The following HSF4 variants were observed in gnomAD, a reference collection of about 807,000 sequenced individuals.
HSF4 encodes the protein heat shock transcription factor 4, also known as heat shock factor protein 4.
Under a neutral mutation model 52.0 loss-of-function variants are expected in HSF4, and 41 were observed. The ratio of observed to expected loss-of-function variants is 0.79; its 90% confidence interval spans 0.61 to 1.02. The LOEUF (loss-of-function observed/expected upper bound fraction) is 1.02. HSF4 is among the 50% of genes least tolerant of loss of function. The pLI is 0.00. For missense variants in HSF4, 610 were observed against 651.1 expected, an observed-to-expected ratio of 0.94 and a Z score of 0.69; for synonymous variants, 285 against 273.0, an observed-to-expected ratio of 1.04 and a Z score of -0.43.
chr16:67,167,221 C>T lies in HSF4; in HGVS notation c.728C>T (p.Ser243Leu), dbSNP rs374407706. 52 of 1,614,004 alleles carry T rather than the reference C, an allele frequency of 3.2e-5. No individual in the cohort carries two copies. The highest frequency in any genetic ancestry group is 4.0e-5 in the African/African-American group (3 of 74,914). Reference protein sequence around the residue: ...ALLQDPYFIQSPLPETNLGLS... With the variant: ...ALLQDPYFIQLPLPETNLGLS... ...CTGCAGGACCCCTACTTCATCCAGT[C>T]GGTAGGTTTGTCTTCTTCCCCCTTC... is the stretch of plus-strand genomic sequence containing the variant. Residue 243 changes from serine to leucine, a missense_variant and splice_region_variant, in exon 7 of 13, where the codon TCG becomes TTG. Transcript: ENST00000521374.
chr16:67,169,742 G>C lies in HSF4; in HGVS notation c.1436G>C (p.Arg479Pro), dbSNP rs770815350. ...ALTIYSTPES[R>P]TASYLGPEAS... ...ACCATTTATAGCACTCCTGAGAGCCGGACTGCCTCCTACTTGGGCCCGGAA... is the reference window on the plus strand; with the variant it reads ...ACCATTTATAGCACTCCTGAGAGCCCGACTGCCTCCTACTTGGGCCCGGAA... Residue 479 changes from arginine (R) to proline (P), a missense_variant, in exon 13 of 13, where the codon CGG (arginine) becomes CCG (proline). Transcript: ENST00000521374. The surrounding 1 kb of genome is among the most constrained non-coding windows in gnomAD (Gnocchi z 4.3). The C allele has an allele frequency of 1.2e-6, 2 of 1,612,990 alleles. No individual in the cohort carries two copies. Among genetic ancestry groups the C allele is most frequent in the Non-Finnish European group, 1.7e-6 (2 of 1,179,972 alleles).
Position 67,169,839 on chromosome 16 carries a change from T to C in HSF4, c.*54T>C. The C allele has an allele frequency of 3.1e-6, 5 of 1,605,850 alleles. No individual in the cohort carries two copies. The highest frequency in any genetic ancestry group is 4.3e-6 in the Non-Finnish European group (5 of 1,174,188). On this transcript the variant is annotated 3_prime_UTR_variant, in exon 13 of 13. Transcript: ENST00000521374. This position sits in a 1 kb window ranked among gnomAD's most constrained non-coding sequence, Gnocchi z 4.3. The stretch of plus-strand genomic sequence containing the variant: ...CCAGTCCGCCGCTGCACATCCTTCT[T>C]GGCTTCCTGGCGCCCCCTATCGGGG...
At position 67,165,435 on chromosome 16, in the gene HSF4, G is replaced by A; in HGVS notation, c.124-87G>A. On this transcript the variant is annotated intron_variant, in intron 1 of 12. Transcript: ENST00000521374. The surrounding 1 kb of genome is among the most constrained non-coding windows in gnomAD (Gnocchi z 6.9). ...CAAGAGTGAGCATGAGTGTGTGCGC[G>A]CGCTGGAGCGCAGGACTGGCCGTGA... 2 of 1,208,718 alleles carry A rather than the reference G, an allele frequency of 1.7e-6. No homozygotes were observed. Among genetic ancestry groups the A allele is most frequent in the East Asian group, 4.7e-5 (2 of 42,974 alleles). 74.9% of individuals were successfully genotyped at this position (1,208,718 alleles called of 1,614,324 possible). A position where few individuals can be genotyped will look rare whatever the true frequency, so the allele number is the denominator to read the frequency against.
At position 67,167,360 on chromosome 16, in the gene HSF4, C is replaced by T. The variant is rs995810245; in HGVS notation, c.730-115C>T. On this transcript the variant is annotated intron_variant, in intron 7 of 12. Transcript: ENST00000521374. ...CCAGACCCAGGCCCTCCAGCATGGA[C>T]TGAGCCTCCTCCCTCAAACCTTCTC... 3 of 1,610,486 alleles carry T rather than the reference C, an allele frequency of 1.9e-6. No individual in the cohort carries two copies. In the African/African-American group the frequency reaches 4.0e-5, roughly 21 times the overall value.
upstream of HSF4, chr16:67,163,878 G>GT (rs965162501): frequency 2.4e-5 from 36 of 1,526,592 alleles, no homozygotes; most frequent in Middle Eastern, 2.3e-4. Flanking sequence ...GGGAACGGGG[G>GT]GGGTGTCCAG....
chr16:67,164,696 G>A, upstream of HSF4: 1 of 1,304,862 alleles, frequency 7.7e-7, no homozygotes, highest in Non-Finnish European at 1.0e-6. Flanking sequence ...GCCCCCGCCT[G>A]ACCCGGCGCC....
upstream of HSF4, chr16:67,164,230 G>A: frequency 2.2e-6 from 1 of 449,446 alleles, no homozygotes; most frequent in Non-Finnish European, 4.3e-6. Flanking sequence ...CAGGGAACGC[G>A]CGGGGTACCG....
At chr16:67,164,237 A>C (rs1436200730), upstream of HSF4, 4 of 438,470 alleles carry the variant, frequency 9.1e-6, no homozygotes, top group Non-Finnish European at 1.8e-5. Context: ...CGCGCGGGGT[A>C]CCGGAGGAGC....
chr16:67,169,895 CT>C lies in HSF4; in HGVS notation c.*111del. The C allele has an allele frequency of 9.1e-7, 1 of 1,098,348 alleles. No individual in the cohort carries two copies. The allele number at this position is 1,098,348 out of a possible 1,614,324, so 68.0% of individuals were successfully genotyped here. On this transcript the variant is annotated 3_prime_UTR_variant, in exon 13 of 13. Transcript: ENST00000521374. The surrounding 1 kb of genome is among the most constrained non-coding windows in gnomAD (Gnocchi z 4.3). Reference sequence around the variant, plus strand: ...CGAAGCCCCCACTACTAAATGGCCTCTCTCCACTACCCCGACTATCCCTGCA... The same window carrying C: ...CGAAGCCCCCACTACTAAATGGCCTCCTCCACTACCCCGACTATCCCTGCA...
intron 6 of HSF4, 129 bp from the exon 7 acceptor site, chr16:67,166,991 C>T: frequency 7.8e-7 from 1 of 1,277,902 alleles, no homozygotes; most frequent in Non-Finnish European, 1.1e-6. Context: ...ATGTGACTGA[C>T]ACCCTAGCAA....
Position 67,164,794 on chromosome 16 carries a change from C to T in HSF4, c.-18C>T, listed in dbSNP as rs766145156. ...GCAGCGGCCGGGCCCGAGCGCAGAG[C>T]CGGGCCGAGACTGCACCATGCAGGA... On this transcript the variant is annotated 5_prime_UTR_variant, in exon 1 of 13. Coordinates refer to ENST00000521374, the MANE Select transcript of HSF4 (RefSeq NM_001374675.1). The T allele has an allele frequency of 1.3e-5, 21 of 1,585,454 alleles. No individual in the cohort carries two copies. Among genetic ancestry groups the T allele is most frequent in the Non-Finnish European group, 1.6e-5 (19 of 1,173,328 alleles).
Position 67,164,898 on chromosome 16 carries a change from G to A in HSF4, c.87G>A (p.Gly29=). ...TCGGCAAGCTATGGGCGCTGGTGGG[G>A]GACCCAGGCACAGACCACCTGATCC... ...AFLGKLWALV[G]DPGTDHLIRW... The change falls in exon 1 of 13, where the codon GGG becomes GGA. Residue 29 remains glycine, a synonymous_variant. Transcript: ENST00000521374. 1 of 1,608,148 alleles carries A rather than the reference G, an allele frequency of 6.2e-7. No individual in the cohort carries two copies. The highest frequency in any genetic ancestry group is 8.5e-7 in the Non-Finnish European group (1 of 1,179,130).
chr16:67,166,122 GACCATA>G (rs1413140954), intron 4 of HSF4, 52 bp downstream of exon 4: 3 of 1,502,786 alleles, frequency 2.0e-6, no homozygotes, highest in African/African-American at 1.4e-5. Flanking sequence ...TTCGGGATGA[GACCATA>G]ACTGGCCGGC....
In HSF4 at chr16:67,169,087, A is replaced by T; in HGVS notation, c.1240A>T (p.Met414Leu). The T allele has an allele frequency of 1.1e-5, 17 of 1,613,348 alleles. No homozygotes were observed. The highest frequency in any genetic ancestry group is 1.4e-5 in the Non-Finnish European group (17 of 1,179,990). Residue 414 changes from methionine (M) to leucine (L), a missense_variant, in exon 11 of 13, where the codon ATG becomes TTG. Transcript: ENST00000521374. The surrounding 1 kb of genome is among the most constrained non-coding windows in gnomAD (Gnocchi z 4.3). ...AGAATGGACCCTGATGGACTTGGAC[A>T]TGGAGCTGTCCTTGGTAAGAAGTGG... ...GREWTLMDLD[M>L]ELSLMQPLVP... is the part of the protein sequence containing the mutation.
In HSF4 at chr16:67,165,334, G is replaced by A. The variant is rs2031172494; in HGVS notation, c.124-188G>A. 1.6e-6 allele frequency: 1 copy of A among 625,586 alleles called. No homozygotes were observed. The highest frequency in any genetic ancestry group is 1.8e-5 in the African/African-American group (1 of 54,206). 38.8% of individuals were successfully genotyped at this position (625,586 alleles called of 1,614,324 possible). On this transcript the variant is annotated intron_variant, in intron 1 of 12. Transcript: ENST00000521374. This position sits in a 1 kb window ranked among gnomAD's most constrained non-coding sequence, Gnocchi z 6.9. ...TGGCTGGGGGTAGGGACTCACTGTGGTCGCTCCAGGCTAGGCCTCGGAGCC... is the reference window on the plus strand; with the variant it reads ...TGGCTGGGGGTAGGGACTCACTGTGATCGCTCCAGGCTAGGCCTCGGAGCC...
Position 67,165,833 on chromosome 16 carries a change from G to C in HSF4, c.347G>C (p.Arg116Pro). 6.2e-7 allele frequency: 1 copy of C among 1,605,014 alleles called. No homozygotes were observed. ...FVRGREQLLE[R>P]VRRKVPALRG... ...CGCGGCCGCGAGCAGCTACTGGAGC[G>C]CGTGCGGCGCAAGGTGGGGGCGGCC... Residue 116 changes from arginine to proline, a missense_variant, in exon 3 of 13, where the codon CGC (arginine) becomes CCC (proline). Physicochemically the swap from Arg to Pro is moderately radical, Grantham distance 103 (BLOSUM62 -2). Transcript: ENST00000521374. The surrounding 1 kb of genome is among the most constrained non-coding windows in gnomAD (Gnocchi z 6.9).
At chr16:67,166,999 C>A in intron 6 of HSF4, 121 bp from the exon 7 acceptor site, 1 of 1,363,084 alleles carries the variant, frequency 7.3e-7, no homozygotes, top group Admixed American at 1.8e-5. Context: ...GACACCCTAG[C>A]AACAGGCCTC....
In HSF4 at chr16:67,166,411, A is replaced by G. The variant is rs1271967616; in HGVS notation, c.561+16A>G. The G allele has an allele frequency of 2.5e-6, 4 of 1,605,336 alleles. No individual in the cohort carries two copies. The highest frequency in any genetic ancestry group is 1.7e-4 in the Middle Eastern group (1 of 6,056). On this transcript the variant is annotated intron_variant, in intron 5 of 12. Transcript: ENST00000521374. ...CATTGGCAAGGTGTTCCTCTCCCCAAGCCTCGCTTCTCCCTCCCACTCCTC... is the reference window on the plus strand; with the variant it reads ...CATTGGCAAGGTGTTCCTCTCCCCAGGCCTCGCTTCTCCCTCCCACTCCTC...
chr16:67,168,884 C>T lies in HSF4; in HGVS notation c.1136C>T (p.Pro379Leu), dbSNP rs776048004. The change falls in exon 10 of 13, where the codon CCG (proline) becomes CTG (leucine). Residue 379 changes from proline (P) to leucine (L), a missense_variant. By Grantham distance (98) the Pro-to-Leu change is moderately conservative. Coordinates refer to ENST00000521374, the MANE Select transcript of HSF4 (RefSeq NM_001374675.1). Reference protein sequence around the residue: ...GDRSPESLLPPMLLQPPQESV... With the variant: ...GDRSPESLLPLMLLQPPQESV... ...AGGAGCCCAGAGAGTCTGCTGCCTCCGATGCTGCTTCAGCCCCCTCAAGAA... is the reference window on the plus strand; with the variant it reads ...AGGAGCCCAGAGAGTCTGCTGCCTCTGATGCTGCTTCAGCCCCCTCAAGAA... 5.6e-6 allele frequency: 9 copies of T among 1,614,052 alleles called. No individual in the cohort carries two copies. The highest frequency in any genetic ancestry group is 1.3e-5 in the African/African-American group (1 of 75,058).
Sources: allele counts gnomAD v4.1 joint callset, GRCh38; gene constraint gnomAD v4.1.1; non-coding constraint Gnocchi (gnomAD v3.1); transcripts MANE v1.5; gene names NCBI Gene and HGNC (gene_info 2026-07-23, HGNC 2026-07-21).